FMO1: variants seen among roughly 807,000 people sequenced by gnomAD.
FMO1 encodes the protein flavin containing dimethylaniline monoxygenase 1.
In FMO1, 36 loss-of-function variants were observed where a neutral mutation model predicts 45.4. That is an observed-to-expected ratio of 0.79 (90% CI 0.61 to 1.05). The LOEUF (loss-of-function observed/expected upper bound fraction) is 1.05. Among genes scored for constraint, FMO1 ranks in the 50% least tolerant of loss-of-function variants. The probability of loss-of-function intolerance (pLI) is 0.00; values close to 1 mark genes in which losing one functional copy is unlikely to be tolerated. For missense variants in FMO1, 615 were observed against 640.3 expected, an observed-to-expected ratio of 0.96 and a Z score of 0.43; for synonymous variants, 228 against 227.2, an observed-to-expected ratio of 1.00 and a Z score of -0.03.
chr1:171,256,760 A>G (rs890842114), intron 1 of FMO1, among the ~76,000 whole-genome samples: 15 of 152,178 alleles, frequency 9.9e-5, no homozygotes, highest in Admixed American at 8.5e-4. Flanking sequence ...CTAATCCAAA[A>G]CAAAAAAAGA....
At chr1:171,264,874 G>C (rs1660544910) in intron 2 of FMO1, among the ~76,000 whole-genome samples, 1 of 151,858 alleles carries the variant, frequency 6.6e-6, no homozygotes, top group Non-Finnish European at 1.5e-5. Flanking sequence ...ACTCCTTCCT[G>C]GGCGACAGAG....
chr1:171,278,623 A>G, intron 4 of FMO1, 106 bp from the exon 5 acceptor site: 2 of 883,282 alleles, frequency 2.3e-6, no homozygotes, highest in Admixed American at 2.6e-5. Flanking sequence ...ACTAGTAAAA[A>G]TGACCAAAAT....
chr1:171,252,933 G>T (rs1659962564), intron 1 of FMO1, among the ~76,000 whole-genome samples: 1 of 152,134 alleles, frequency 6.6e-6, no homozygotes, highest in Non-Finnish European at 1.5e-5. Flanking sequence ...TCATATAATT[G>T]TCAATACTTG....
chr1:171,283,548 A>G (rs12057955), intron 8 of FMO1, among the ~76,000 whole-genome samples: 31,908 of 152,010 alleles, frequency 0.21, 4,752 homozygotes, highest in African/African-American at 0.42. Flanking sequence ...ACATTATTCC[A>G]TATCTTATCC....
In FMO1 at chr1:171,275,348, C is replaced by T; in HGVS notation, c.324C>T (p.Thr108=). 6.2e-7 allele frequency: 1 copy of T among 1,611,278 alleles called. No individual in the cohort carries two copies. The highest frequency in any genetic ancestry group is 8.5e-7 in the Non-Finnish European group (1 of 1,178,888). The part of the protein sequence containing the change: ...FDLLKHIQFK[T]KVCSVTKCSD... ...CATATCTGTGATTCTTTTTTCAGAC[C>T]AAAGTCTGCAGTGTAACAAAATGCT... Residue 108 remains threonine (T), a splice_region_variant and synonymous_variant, in exon 4 of 9, where the codon ACC becomes ACT. Transcript: ENST00000617670.
At chr1:171,271,630 G>A (rs1196718432) in intron 3 of FMO1, 8 of 725,730 alleles carry the variant, frequency 1.1e-5, no homozygotes, top group Non-Finnish European at 2.0e-5. Context: ...GTTGCCCAGT[G>A]CCCATCTGGC....
intron 3 of FMO1, among the ~76,000 whole-genome samples, chr1:171,272,370 A>C (rs762868304): frequency 1.3e-5 from 2 of 152,200 alleles, no homozygotes; most frequent in Non-Finnish European, 2.9e-5. Flanking sequence ...TGCAGAAGGG[A>C]AATGTGGGGT....
At chr1:171,279,528 G>A (rs966120806) in intron 5 of FMO1, among the ~76,000 whole-genome samples, 37 of 152,044 alleles carry the variant, frequency 2.4e-4, no homozygotes, top group African/African-American at 8.5e-4. Context: ...AAGTCTCTTT[G>A]ACTCAAAGCC....
chr1:171,254,476 A>G lies in FMO1; in HGVS notation c.-6-3606A>G, dbSNP rs542337676. Among the ~76,000 whole-genome samples the G allele has an allele frequency of 2.6e-5, 4 of 152,342 alleles. No individual in the cohort carries two copies. In the South Asian group the frequency reaches 8.3e-4, roughly 32 times the overall value. ...AATCAACCCATTGCCAAATAGTTACACAACAGCTATTATAGACCAAGTGTG... is the reference window on the plus strand; with the variant it reads ...AATCAACCCATTGCCAAATAGTTACGCAACAGCTATTATAGACCAAGTGTG... On this transcript the variant is annotated intron_variant, in intron 1 of 8. Transcript: ENST00000617670.
chr1:171,256,515 G>A (rs1356985376), intron 1 of FMO1, among the ~76,000 whole-genome samples: 3 of 152,010 alleles, frequency 2.0e-5, no homozygotes, highest in Non-Finnish European at 1.5e-5. Context: ...TGATTTTATA[G>A]TGTCCTTCAG....
chr1:171,258,041 G>A (rs1276695760), intron 1 of FMO1, 41 bp from the exon 2 acceptor site: 2 of 1,612,300 alleles, frequency 1.2e-6, no homozygotes, highest in Admixed American at 1.7e-5. Context: ...GGGTGGGGTG[G>A]AGCTTGTGAA....
At chr1:171,280,727 C>A in intron 5 of FMO1, 59 bp from the exon 6 acceptor site, 3 of 1,461,396 alleles carry the variant, frequency 2.1e-6, no homozygotes, top group Non-Finnish European at 2.9e-6. Context: ...GAATCTCTGG[C>A]AGAACCAGCC....
chr1:171,257,176 A>C (rs1660194642), intron 1 of FMO1, among the ~76,000 whole-genome samples: 2 of 152,126 alleles, frequency 1.3e-5, no homozygotes, highest in Non-Finnish European at 2.9e-5. Context: ...CAGAAGGGTT[A>C]ATCTGTCCAA....
chr1:171,256,351 T>C (rs1333453916), intron 1 of FMO1, among the ~76,000 whole-genome samples: 1 of 151,108 alleles, frequency 6.6e-6, no homozygotes, highest in East Asian at 2.0e-4. Flanking sequence ...AAGGGGTAAG[T>C]CATTTTCCTA....
rs373287189 is a variant in FMO1, at chr1:171,270,528, T to A, written c.321+2797T>A. The A allele has an allele frequency of 5.4e-5, 52 of 971,430 alleles. No individual in the cohort carries two copies. In the East Asian group the frequency reaches 4.6e-3, roughly 85 times the overall value. 60.2% of individuals were successfully genotyped at this position (971,430 alleles called of 1,614,324 possible). A position where few individuals can be genotyped will look rare whatever the true frequency, so the allele number is the denominator to read the frequency against. On this transcript the variant is annotated intron_variant, in intron 3 of 8. Transcript: ENST00000617670. The stretch of plus-strand genomic sequence containing the variant: ...AAAATTTGTATTTACTTAGAAGCAT[T>A]CAGAATGTAAACAAAACAGCTGCAA...
At chr1:171,270,785 T>A in intron 3 of FMO1, 1 of 838,136 alleles carries the variant, frequency 1.2e-6, no homozygotes, top group Non-Finnish European at 1.6e-6. Context: ...GAGGGCTATC[T>A]AAAGACACAT....
intron 3 of FMO1, among the ~76,000 whole-genome samples, chr1:171,269,064 G>A (rs1660740469): frequency 6.6e-6 from 1 of 152,168 alleles, no homozygotes; most frequent in Non-Finnish European, 1.5e-5. Context: ...ATGATTGTGA[G>A]GCTTCCCCAG....
At chr1:171,278,320 A>G (rs765502479) in intron 4 of FMO1, among the ~76,000 whole-genome samples, 3 of 152,248 alleles carry the variant, frequency 2.0e-5, no homozygotes, top group Non-Finnish European at 4.4e-5. Flanking sequence ...CTGAAAAGAG[A>G]TACTGACTCA....
chr1:171,271,107 T>C (rs1660842287), intron 3 of FMO1: 1 of 871,558 alleles, frequency 1.1e-6, no homozygotes, highest in South Asian at 1.4e-5. Context: ...TAGCTCAATA[T>C]GCAGCAATAT....
Sources: allele counts gnomAD v4.1 joint callset (sites outside exome capture counted in the v4.1 genomes callset), GRCh38; gene constraint gnomAD v4.1.1; transcripts MANE v1.5; gene names NCBI Gene and HGNC (gene_info 2026-07-23, HGNC 2026-07-21).